Variants in SUCLG2 observed in about 807,000 individuals in gnomAD.
The protein encoded by SUCLG2 is succinate-CoA ligase GDP-forming subunit beta.
SUCLG2 carries 42 observed loss-of-function variants against 47.9 expected under a neutral mutation model. The observed-to-expected ratio is 0.88, with a 90% CI of 0.69 to 1.14. SUCLG2 has a LOEUF of 1.14. SUCLG2 is among the 50% of genes most tolerant of loss of function. SUCLG2 has a pLI of 0.00. For missense variants in SUCLG2, 571 were observed against 525.9 expected (o/e 1.09, Z -0.84); for synonymous variants, 195 against 197.3 (o/e 0.99, Z 0.10).
chr3:67,625,508 G>C (rs1321896236), intron 1 of SUCLG2, among the ~76,000 whole-genome samples: 1 of 152,122 alleles, frequency 6.6e-6, no homozygotes, highest in Non-Finnish European at 1.5e-5. Context: ...ACCCAATGCA[G>C]GAGAAAGATC....
At chr3:67,648,021 T>A (rs1701220953) in intron 1 of SUCLG2, among the ~76,000 whole-genome samples, 1 of 152,220 alleles carries the variant, frequency 6.6e-6, no homozygotes, top group African/African-American at 2.4e-5. Flanking sequence ...GAATTTAGCT[T>A]CAAATTCAGT....
intron 2 of SUCLG2, among the ~76,000 whole-genome samples, chr3:67,530,445 C>A (rs1228545892): frequency 6.6e-6 from 1 of 152,144 alleles, no homozygotes; most frequent in Non-Finnish European, 1.5e-5. Flanking sequence ...AAAAAACTAA[C>A]AAGCGCTCCA....
At chr3:67,599,271 G>A (rs1708362078) in intron 2 of SUCLG2, among the ~76,000 whole-genome samples, 1 of 152,186 alleles carries the variant, frequency 6.6e-6, no homozygotes, top group Non-Finnish European at 1.5e-5. Context: ...ATTAGAAGGT[G>A]CACTATGAAA....
intron 2 of SUCLG2, among the ~76,000 whole-genome samples, chr3:67,539,297 T>C (rs550953813): frequency 5.3e-5 from 8 of 152,334 alleles, no homozygotes; most frequent in Admixed American, 4.6e-4. Flanking sequence ...AAAGGCCTTT[T>C]CTGCATCTAT....
Position 67,478,599 on chromosome 3 carries a change from T to C in SUCLG2, c.1062+17199A>G, listed in dbSNP as rs76955275. On this transcript the variant is annotated intron_variant, in intron 9 of 10. Coordinates refer to ENST00000307227, the MANE Select transcript of SUCLG2 (RefSeq NM_003848.4). ...TGTTCTCTCCGTACTTTCATTAACA[T>C]GTTATGTAGTATCATACGTCAAAGT... 4.5e-3 allele frequency among the ~76,000 whole-genome samples: 680 copies of C among 152,378 alleles called. 11 individuals are homozygous for C. The East Asian group carries it at 0.059, about 13-fold the overall frequency.
At chr3:67,495,695 G>A in intron 9 of SUCLG2, 103 bp downstream of exon 9, 1 of 1,262,272 alleles carries the variant, frequency 7.9e-7, no homozygotes. Flanking sequence ...GGGCTGCAGA[G>A]TACACATATT....
intron 9 of SUCLG2, among the ~76,000 whole-genome samples, chr3:67,421,040 G>C (rs1026077204): frequency 6.6e-6 from 1 of 152,108 alleles, no homozygotes. Flanking sequence ...ATAAGTATCA[G>C]GTCATTTCAT....
At chr3:67,381,199 TAAATA>T (rs10584878) in intron 10 of SUCLG2, among the ~76,000 whole-genome samples, 101,528 of 146,134 alleles carry the variant, frequency 0.69, 34,685 homozygotes, top group Middle Eastern at 0.75. Flanking sequence ...AATAAATAAA[TAAATA>T]AAATAAAATA....
Position 67,375,768 on chromosome 3 carries a change from A to G in SUCLG2, c.1275T>C (p.Ala425=), listed in dbSNP as rs1702023223. The G allele has an allele frequency of 3.7e-6, 6 of 1,613,598 alleles. No homozygotes were observed. The highest frequency in any genetic ancestry group is 1.7e-4 in the Middle Eastern group (1 of 5,936). The change falls in exon 11 of 11, where the codon GCT becomes GCC. Residue 425 remains alanine (A), a synonymous_variant. Transcript: ENST00000307227. ...ATCACTTCTTGGCCACACTGGCCACAGCCTTCTTGGCTGCATCCTCCAGGT... is the reference window on the plus strand; with the variant it reads ...ATCACTTCTTGGCCACACTGGCCACGGCCTTCTTGGCTGCATCCTCCAGGT... ...AIDLEDAAKK[A]VASVAKK is the part of the protein sequence containing the mutation.
At chr3:67,529,367 G>C (rs1706341433) in intron 2 of SUCLG2, among the ~76,000 whole-genome samples, 181 bp from the exon 3 acceptor site, 1 of 152,098 alleles carries the variant, frequency 6.6e-6, no homozygotes, top group Non-Finnish European at 1.5e-5. Flanking sequence ...TAAATACAAA[G>C]CTTGTTTACT....
chr3:67,446,684 G>A (rs983973075), intron 9 of SUCLG2, among the ~76,000 whole-genome samples: 9 of 151,232 alleles, frequency 6.0e-5, no homozygotes, highest in Non-Finnish European at 1.0e-4. Context: ...TGCCCGCCTC[G>A]GCCTCCCAAA....
intron 4 of SUCLG2, among the ~76,000 whole-genome samples, chr3:67,523,893 G>T (rs529968819): frequency 6.6e-6 from 1 of 152,278 alleles, no homozygotes; most frequent in East Asian, 1.9e-4. Context: ...TGTCATTCAA[G>T]AGTCCTATTC....
chr3:67,560,237 G>A (rs778245123), intron 2 of SUCLG2, among the ~76,000 whole-genome samples: 2 of 152,118 alleles, frequency 1.3e-5, no homozygotes, highest in Non-Finnish European at 2.9e-5. Context: ...CATTAGGGTA[G>A]GCCATAATCC....
chr3:67,597,261 G>GC (rs1226170753), intron 2 of SUCLG2, among the ~76,000 whole-genome samples: 2 of 152,166 alleles, frequency 1.3e-5, no homozygotes, highest in African/African-American at 4.8e-5. Flanking sequence ...ATTGCCCACA[G>GC]GGCTGCTGCT....
intron 2 of SUCLG2, among the ~76,000 whole-genome samples, chr3:67,579,501 AATAT>A (rs1465407527): frequency 1.3e-5 from 2 of 152,200 alleles, no homozygotes; most frequent in Admixed American, 6.5e-5. Flanking sequence ...GACTACGTGC[AATAT>A]AAAATCAGGG....
chr3:67,585,821 G>A (rs187270949), intron 2 of SUCLG2, among the ~76,000 whole-genome samples: 250 of 151,990 alleles, frequency 1.6e-3, no homozygotes, highest in African/African-American at 5.7e-3. Context: ...AAAATTAGCC[G>A]GGCATCCATG....
intron 1 of SUCLG2, among the ~76,000 whole-genome samples, chr3:67,636,871 G>A (rs73836543): frequency 0.015 from 2,209 of 151,322 alleles, 54 homozygotes; most frequent in African/African-American, 0.051. Flanking sequence ...GGATATAAAC[G>A]TTCAGACCCA....
intron 2 of SUCLG2, among the ~76,000 whole-genome samples, chr3:67,595,120 C>G (rs1274084782): frequency 6.6e-6 from 1 of 152,122 alleles, no homozygotes; most frequent in African/African-American, 2.4e-5. Flanking sequence ...CATTCTCTAT[C>G]ATTAGTTATA....
intron 9 of SUCLG2, among the ~76,000 whole-genome samples, chr3:67,476,311 C>T (rs1704754083): frequency 6.6e-6 from 1 of 152,024 alleles, no homozygotes; most frequent in Non-Finnish European, 1.5e-5. Flanking sequence ...CTGAATTCTG[C>T]CTCCTGTCCG....
Sources: gnomAD v4.1 joint callset for allele counts (sites outside exome capture counted in the v4.1 genomes callset) on GRCh38, gnomAD v4.1.1 for gene constraint, MANE v1.5 for transcripts, NCBI Gene and HGNC (gene_info 2026-07-23, HGNC 2026-07-21) for gene names.